ATP10A: variants seen among roughly 807,000 people sequenced by gnomAD.
The protein encoded by ATP10A is phospholipid-transporting ATPase VA.
ATP10A carries 111 observed loss-of-function variants against 147.8 expected under a neutral mutation model. That is an observed-to-expected ratio of 0.75 (90% CI 0.64 to 0.88). The LOEUF is 0.88. Ranked by LOEUF, ATP10A falls within the 40% of genes least tolerant of loss-of-function variation. ATP10A has a pLI of 0.00. For missense variants in ATP10A, 1,927 were observed against 1,959.0 expected (o/e 0.98, Z 0.31); for synonymous variants, 875 against 841.6 (o/e 1.04, Z -0.69).
intron 2 of ATP10A, among the ~76,000 whole-genome samples, chr15:25,744,017 A>C (rs989462025): frequency 1.3e-5 from 2 of 152,110 alleles, no homozygotes; most frequent in African/African-American, 4.8e-5. Context: ...GGGGACCACT[A>C]TTCTGTCTAC....
rs1343598759 is a variant in ATP10A, at chr15:25,714,058, G to T, written c.1960C>A (p.Leu654Met). The T allele has an allele frequency of 3.1e-6, 5 of 1,612,666 alleles. No individual in the cohort carries two copies. In the East Asian group the frequency reaches 1.1e-4, roughly 36 times the overall value. ...GTGGGCTGGCCCAGCCTCTCCTCCAGCCTGAGAAGCATGCCGTCGCTGGAC... is the reference window on the plus strand; with the variant it reads ...GTGGGCTGGCCCAGCCTCTCCTCCATCCTGAGAAGCATGCCGTCGCTGGAC... ...TPSSDGMLLR[L>M]EERLGQPTSA... is the part of the protein sequence containing the mutation. Residue 654 changes from leucine to methionine, a missense_variant, in exon 10 of 21, where the codon CTG becomes ATG. By Grantham distance (15) the Leu-to-Met change is conservative (BLOSUM62 2). Transcript: ENST00000555815.
intron 1 of ATP10A, among the ~76,000 whole-genome samples, chr15:25,785,338 G>A (rs7162344): frequency 0.3 from 45,466 of 152,068 alleles, 7,176 homozygotes; most frequent in East Asian, 0.41. Context: ...GCACACAGCT[G>A]TAAGGACAGG....
rs944794479 is a variant in ATP10A, at chr15:25,803,244, C to T, written c.450-22021G>A. Among the ~76,000 whole-genome samples, 3 of 152,208 alleles carry T rather than the reference C, an allele frequency of 2.0e-5. 1 individual carries two copies. Among genetic ancestry groups the T allele is most frequent in the African/African-American group, 7.2e-5 (3 of 41,458 alleles). On this transcript the variant is annotated intron_variant, in intron 1 of 20. Coordinates refer to ENST00000555815, the MANE Select transcript of ATP10A (RefSeq NM_024490.4). ...TCTCGGGCACTTCCGCCACACCGTC[C>T]CCTCCAATACCTGAATGATGCTTCG...
chr15:25,716,378 G>C (rs1433392747), intron 9 of ATP10A, among the ~76,000 whole-genome samples: 1 of 152,130 alleles, frequency 6.6e-6, no homozygotes, highest in Non-Finnish European at 1.5e-5. Context: ...GGCAGCGAAG[G>C]AAGGACCCAG....
chr15:25,703,230 T>C (rs776671124), intron 12 of ATP10A, among the ~76,000 whole-genome samples: 1 of 152,120 alleles, frequency 6.6e-6, no homozygotes, highest in African/African-American at 2.4e-5. Flanking sequence ...TGGTAGTGGG[T>C]GCCTGTAATC....
chr15:25,862,457 G>A lies in ATP10A; in HGVS notation c.449+191C>T, dbSNP rs1055758382. ...TCCAGGGCGCCCCTTTAGCTGCGGC[G>A]GAGGCACAGAGAGGCCTTGGCGGCG... On this transcript the variant is annotated intron_variant, in intron 1 of 20. Coordinates refer to ENST00000555815, the MANE Select transcript of ATP10A (RefSeq NM_024490.4). 24 of 712,228 alleles carry A rather than the reference G, an allele frequency of 3.4e-5. No individual in the cohort carries two copies. The African/African-American group carries it at 3.5e-4, about 10-fold the overall frequency. 44.1% of individuals were successfully genotyped at this position (712,228 alleles called of 1,614,324 possible).
intron 3 of ATP10A, among the ~76,000 whole-genome samples, chr15:25,733,994 G>A (rs948265266): frequency 1.3e-5 from 2 of 152,146 alleles, no homozygotes; most frequent in African/African-American, 4.8e-5. Flanking sequence ...CCCGGCACCC[G>A]GGGGGAGTGC....
intron 3 of ATP10A, among the ~76,000 whole-genome samples, chr15:25,733,152 C>A (rs998470899): frequency 2.6e-5 from 4 of 152,118 alleles, no homozygotes; most frequent in African/African-American, 9.7e-5. Flanking sequence ...CATTCCTGGG[C>A]TCTGTGGTGT....
At chr15:25,684,403 C>T (rs1180125801) in intron 16 of ATP10A, among the ~76,000 whole-genome samples, 2 of 152,194 alleles carry the variant, frequency 1.3e-5, no homozygotes, top group African/African-American at 4.8e-5. Flanking sequence ...ACCAATGATA[C>T]TCAGCCAATG....
At chr15:25,776,607 A>G (rs1031934462) in intron 2 of ATP10A, among the ~76,000 whole-genome samples, 4 of 152,154 alleles carry the variant, frequency 2.6e-5, no homozygotes, top group Non-Finnish European at 4.4e-5. Context: ...CAACTCTTAC[A>G]TCAAATCTTT....
At chr15:25,789,246 C>A (rs1890303057) in intron 1 of ATP10A, among the ~76,000 whole-genome samples, 1 of 152,134 alleles carries the variant, frequency 6.6e-6, no homozygotes, top group African/African-American at 2.4e-5. Context: ...CAAGAGTGAG[C>A]CCCCATGCCT....
intron 1 of ATP10A, among the ~76,000 whole-genome samples, chr15:25,801,825 C>G (rs1890952633): frequency 6.6e-6 from 1 of 152,168 alleles, no homozygotes; most frequent in African/African-American, 2.4e-5. Context: ...TATCTGACAG[C>G]ATACAAAAGC....
intron 2 of ATP10A, among the ~76,000 whole-genome samples, chr15:25,763,435 G>C (rs1196029572): frequency 6.6e-6 from 1 of 152,138 alleles, no homozygotes; most frequent in African/African-American, 2.4e-5. Flanking sequence ...TGGTGAAGTT[G>C]GCTCTCCAGC....
chr15:25,766,249 G>T (rs768166863), intron 2 of ATP10A, among the ~76,000 whole-genome samples: 2 of 152,160 alleles, frequency 1.3e-5, no homozygotes, highest in Non-Finnish European at 2.9e-5. Flanking sequence ...TGGGAATTCC[G>T]GGAGATACAA....
intron 12 of ATP10A, among the ~76,000 whole-genome samples, chr15:25,705,533 C>T (rs1900943110): frequency 6.6e-6 from 1 of 151,100 alleles, no homozygotes; most frequent in South Asian, 2.1e-4. Flanking sequence ...GCTGGCTTCA[C>T]TTTTCTTAAT....
chr15:25,691,019 AC>A (rs1900005315), intron 15 of ATP10A, among the ~76,000 whole-genome samples: 2 of 152,186 alleles, frequency 1.3e-5, no homozygotes, highest in Admixed American at 1.3e-4. Flanking sequence ...ACAGATCATT[AC>A]TGATCGAACC....
At chr15:25,778,279 C>A (rs1294652573) in intron 2 of ATP10A, among the ~76,000 whole-genome samples, 1 of 152,148 alleles carries the variant, frequency 6.6e-6, no homozygotes, top group Non-Finnish European at 1.5e-5. Context: ...CAGTTCTTAA[C>A]CTGTCTGAGA....
intron 1 of ATP10A, among the ~76,000 whole-genome samples, chr15:25,853,378 ACCCAGCCC>A (rs556027792): frequency 6.6e-6 from 1 of 152,272 alleles, no homozygotes; most frequent in South Asian, 2.1e-4. Context: ...TCTAACAGTC[ACCCAGCCC>A]CTTTTCAACC....
intron 13 of ATP10A, among the ~76,000 whole-genome samples, chr15:25,695,591 T>G (rs1002237259): frequency 6.6e-6 from 1 of 152,058 alleles, no homozygotes; most frequent in Non-Finnish European, 1.5e-5. Flanking sequence ...ATCATGCCAC[T>G]GCACTCCAGC....
Sources: allele counts gnomAD v4.1 joint callset (sites outside exome capture counted in the v4.1 genomes callset), GRCh38; gene constraint gnomAD v4.1.1; transcripts MANE v1.5; gene names NCBI Gene and HGNC (gene_info 2026-07-23, HGNC 2026-07-21).